SLC2A9: variants seen among roughly 807,000 people sequenced by gnomAD.
SLC2A9 encodes solute carrier family 2 member 9, also known as solute carrier family 2, facilitated glucose transporter member 9.
SLC2A9 carries 39 observed loss-of-function variants against 50.6 expected under a neutral mutation model. That is an observed-to-expected ratio of 0.77 (90% CI 0.60 to 1.01). The LOEUF is 1.01. Among genes scored for constraint, SLC2A9 ranks in the 50% least tolerant of loss-of-function variants. The pLI, the probability that SLC2A9 is intolerant of heterozygous loss-of-function variation, is 0.00. For missense variants in SLC2A9, 686 were observed against 677.6 expected, an observed-to-expected ratio of 1.01 and a Z score of -0.14; for synonymous variants, 324 against 276.9, an observed-to-expected ratio of 1.17 and a Z score of -1.69.
At chr4:9,811,008 T>C (rs944292897) in intron 3 of SLC2A9, among the ~76,000 whole-genome samples, 3 of 152,214 alleles carry the variant, frequency 2.0e-5, no homozygotes, top group African/African-American at 7.2e-5. Context: ...CCCTCCCTGA[T>C]TCTAGGTGGC....
chr4:9,773,594 GC>G (rs1345299278), intron 1 of SLC2A9, among the ~76,000 whole-genome samples: 1 of 152,224 alleles, frequency 6.6e-6, no homozygotes, highest in Non-Finnish European at 1.5e-5. Context: ...GCACAATTTT[GC>G]AGGAGCCAGG....
chr4:9,843,968 C>T (rs1307015701), intron 10 of SLC2A9, among the ~76,000 whole-genome samples: 2 of 152,024 alleles, frequency 1.3e-5, no homozygotes, highest in African/African-American at 4.8e-5. Context: ...CTTAGTAGCA[C>T]ATGCACTGTG....
At chr4:9,960,920 G>A (rs1752164924) in intron 5 of SLC2A9, among the ~76,000 whole-genome samples, 1 of 152,342 alleles carries the variant, frequency 6.6e-6, no homozygotes, top group Non-Finnish European at 1.5e-5. Context: ...GCTTCATTTG[G>A]TGGACACAGG....
At chr4:9,856,447 T>A (rs1009099875) in intron 10 of SLC2A9, among the ~76,000 whole-genome samples, 1 of 152,134 alleles carries the variant, frequency 6.6e-6, no homozygotes, top group Non-Finnish European at 1.5e-5. Flanking sequence ...ATGGCTATTC[T>A]TAAAAAGTAA....
At chr4:9,893,557 G>A (rs370653552) in intron 8 of SLC2A9, among the ~76,000 whole-genome samples, 15 of 151,502 alleles carry the variant, frequency 9.9e-5, no homozygotes, top group East Asian at 7.8e-4. Flanking sequence ...AGAGAGGGAC[G>A]GAGGGAGAGA....
chr4:9,821,090 A>G (rs1299671579), intron 3 of SLC2A9, among the ~76,000 whole-genome samples: 5 of 152,150 alleles, frequency 3.3e-5, no homozygotes, highest in African/African-American at 4.8e-5. Flanking sequence ...ATTTCAGGTT[A>G]AGGCAGCTTT....
chr4:10,018,589 T>TAGATAGATAGACAAAC lies in SLC2A9; in HGVS notation c.249+385_249+386insGTTTGTCTATCTATCT, dbSNP rs1553915108. Among the ~76,000 whole-genome samples the TAGATAGATAGACAAAC allele has an allele frequency of 3.1e-3, 462 of 151,102 alleles. 3 individuals carry two copies. The highest frequency in any genetic ancestry group is 0.01 in the African/African-American group (423 of 41,010). ...ATAGATAGATAGATAGATAGATAGA[T>TAGATAGATAGACAAAC]AACAACAACAACAAAACAAATCAAG... is the stretch of plus-strand genomic sequence containing the variant. On this transcript the variant is annotated intron_variant, in intron 2 of 11. Transcript: ENST00000264784.
chr4:9,879,976 T>A, intron 10 of SLC2A9: 7 of 985,372 alleles, frequency 7.1e-6, no homozygotes, highest in Non-Finnish European at 8.4e-6. Flanking sequence ...GACCTGTTCC[T>A]CACAGAAGCT....
At chr4:9,836,175 T>C (rs911878364) in intron 10 of SLC2A9, among the ~76,000 whole-genome samples, 1 of 147,848 alleles carries the variant, frequency 6.8e-6, no homozygotes, top group Non-Finnish European at 1.5e-5. Context: ...GGGTGAGTTA[T>C]AAAACACTAC....
chr4:9,840,642 G>C (rs1267546402), intron 10 of SLC2A9, among the ~76,000 whole-genome samples: 1 of 152,062 alleles, frequency 6.6e-6, no homozygotes, highest in African/African-American at 2.4e-5. Context: ...GAAGATTGGG[G>C]CTACTTGGGA....
chr4:9,913,748 C>T lies in SLC2A9; in HGVS notation c.1003-5403G>A, dbSNP rs533329888. Among the ~76,000 whole-genome samples, 38 of 152,318 alleles carry T rather than the reference C, an allele frequency of 2.5e-4. No individual in the cohort carries two copies. In the East Asian group the frequency reaches 6.0e-3, roughly 24 times the overall value. The stretch of plus-strand genomic sequence containing the variant: ...GGAGGGGCTTGCCCTGTAGAGGGGT[C>T]TGGGGTTGCTCCTTCTGCCTGTGGC... On this transcript the variant is annotated intron_variant, in intron 7 of 11. Transcript: ENST00000264784.
chr4:9,982,467 C>G (rs908179185), intron 4 of SLC2A9, among the ~76,000 whole-genome samples: 1 of 152,020 alleles, frequency 6.6e-6, no homozygotes, highest in Non-Finnish European at 1.5e-5. Flanking sequence ...GACATTTGTT[C>G]TATCTCTGTG....
chr4:9,917,045 CA>C (rs1172322902), intron 7 of SLC2A9, among the ~76,000 whole-genome samples: 3 of 152,178 alleles, frequency 2.0e-5, no homozygotes, highest in African/African-American at 7.2e-5. Flanking sequence ...GCCACCCCAG[CA>C]ATGGGGACGG....
chr4:9,892,390 C>T (rs1219236398), intron 8 of SLC2A9, among the ~76,000 whole-genome samples: 1 of 152,182 alleles, frequency 6.6e-6, no homozygotes, highest in East Asian at 1.9e-4. Flanking sequence ...GTCAGAAATG[C>T]CTTTCTCCTG....
chr4:9,782,639 G>A (rs780118849), intron 3 of SLC2A9: 2 of 1,614,026 alleles, frequency 1.2e-6, no homozygotes, highest in Non-Finnish European at 1.7e-6. Flanking sequence ...GACGCCCTGG[G>A]AGGAGGACTT....
intron 2 of SLC2A9, among the ~76,000 whole-genome samples, chr4:10,016,555 A>T (rs1560494615): frequency 6.6e-6 from 1 of 151,946 alleles, no homozygotes; most frequent in Non-Finnish European, 1.5e-5. Flanking sequence ...GGCTGTGTAG[A>T]TCTTCAGAAA....
At chr4:10,025,965 A>C, upstream of SLC2A9, 1 of 1,614,004 alleles carries the variant, frequency 6.2e-7, no homozygotes, top group Admixed American at 1.7e-5. Flanking sequence ...ACTGAGCTTC[A>C]TGGTTCACTT....
intron 6 of SLC2A9, among the ~76,000 whole-genome samples, chr4:9,922,516 A>G (rs570178202): frequency 2.0e-5 from 3 of 152,304 alleles, no homozygotes; most frequent in Middle Eastern, 3.4e-3. Flanking sequence ...TAAAGCTTCA[A>G]TTTAACCTTC....
intron 3 of SLC2A9, among the ~76,000 whole-genome samples, chr4:9,788,700 G>A (rs1719527096): frequency 1.3e-5 from 2 of 152,066 alleles, no homozygotes; most frequent in South Asian, 4.2e-4. Context: ...AGTGAGCTGG[G>A]GGTATCCATA....
Sources: gnomAD v4.1 joint callset for allele counts (sites outside exome capture counted in the v4.1 genomes callset) on GRCh38, gnomAD v4.1.1 for gene constraint, MANE v1.5 for transcripts, NCBI Gene and HGNC (gene_info 2026-07-23, HGNC 2026-07-21) for gene names.